The following SPAG16 variants were observed in gnomAD, a reference collection of about 807,000 sequenced individuals.
The protein encoded by SPAG16 is sperm-associated antigen 16 protein.
Under a neutral mutation model 80.4 loss-of-function variants are expected in SPAG16, and 86 were observed. The observed-to-expected ratio is 1.07, with a 90% confidence interval of 0.90 to 1.28. SPAG16 has a LOEUF of 1.28. Ranked by LOEUF, SPAG16 falls within the 50% of genes most tolerant of loss-of-function variation. The pLI is 0.00. For synonymous variants in SPAG16, 294 were observed against 265.9 expected (o/e 1.11, Z -1.03); for missense variants, 870 against 765.3 (o/e 1.14, Z -1.61).
chr2:214,047,839 A>G lies in SPAG16; in HGVS notation c.1527+33762A>G, dbSNP rs532771647. Among the ~76,000 whole-genome samples, 8 of 151,918 alleles carry G rather than the reference A, an allele frequency of 5.3e-5. No individual in the cohort carries two copies. The South Asian group carries it at 1.4e-3, about 28-fold the overall frequency. ...ATATATAAGGAGCTCAAACAACTCTATAAAAAATTCTAATACTCTGATTTA... is the reference window on the plus strand; with the variant it reads ...ATATATAAGGAGCTCAAACAACTCTGTAAAAAATTCTAATACTCTGATTTA... On this transcript the variant is annotated intron_variant, in intron 13 of 15. Coordinates refer to ENST00000331683, the MANE Select transcript of SPAG16 (RefSeq NM_024532.5).
In SPAG16 at chr2:213,766,566, C is replaced by T. The variant is rs78464779; in HGVS notation, c.1071-95919C>T. 7.0e-3 allele frequency among the ~76,000 whole-genome samples: 1,060 copies of T among 152,230 alleles called. 14 individuals are homozygous for T. The highest frequency in any genetic ancestry group is 0.025 in the African/African-American group (1,027 of 41,554). ...TAATCACTTACTGCTATGCTGTAAGCATGATTCAAACCAGAGAAATCTCTG... is the reference window on the plus strand; with the variant it reads ...TAATCACTTACTGCTATGCTGTAAGTATGATTCAAACCAGAGAAATCTCTG... On this transcript the variant is annotated intron_variant, in intron 10 of 15. Transcript: ENST00000331683.
chr2:213,506,704 C>A lies in SPAG16; in HGVS notation c.1070+16614C>A, dbSNP rs76179584. Among the ~76,000 whole-genome samples, 12 of 152,042 alleles carry A rather than the reference C, an allele frequency of 7.9e-5. 1 individual carries two copies. The South Asian group carries it at 2.1e-3, about 26-fold the overall frequency. On this transcript the variant is annotated intron_variant, in intron 10 of 15. Transcript: ENST00000331683. ...ATATAAATTGGGATGCCTTATGTTG[C>A]GAGTGACTGAAAATGCAACAAAATT... is the stretch of plus-strand genomic sequence containing the variant.
intron 13 of SPAG16, among the ~76,000 whole-genome samples, chr2:214,052,380 T>C (rs1196265997): frequency 6.6e-6 from 1 of 152,204 alleles, no homozygotes; most frequent in African/African-American, 2.4e-5. Flanking sequence ...TTCAACGTTT[T>C]CTGGTTTAAC....
At chr2:214,133,047 G>A (rs1309041802) in intron 14 of SPAG16, among the ~76,000 whole-genome samples, 4 of 151,352 alleles carry the variant, frequency 2.6e-5, no homozygotes, top group South Asian at 2.1e-4. Context: ...AACTGAGATC[G>A]TGCCACTGCA....
At chr2:213,761,484 A>G (rs1024780791) in intron 10 of SPAG16, among the ~76,000 whole-genome samples, 16 of 152,226 alleles carry the variant, frequency 1.1e-4, no homozygotes, top group Admixed American at 8.5e-4. Flanking sequence ...CTTTAAAAAG[A>G]TGAACAAAAT....
intron 10 of SPAG16, among the ~76,000 whole-genome samples, chr2:213,673,082 T>A (rs772994321): frequency 3.9e-4 from 60 of 152,112 alleles, no homozygotes; most frequent in Non-Finnish European, 7.5e-4. Context: ...TATTCAAAAA[T>A]TTTTAAATCT....
At chr2:213,762,361 ATATGT>A (rs1559447669) in intron 10 of SPAG16, among the ~76,000 whole-genome samples, 2 of 152,196 alleles carry the variant, frequency 1.3e-5, no homozygotes, top group East Asian at 1.9e-4. Context: ...CTGATAAATT[ATATGT>A]TATGTTCATT....
chr2:213,552,494 C>A (rs905716887), intron 10 of SPAG16, among the ~76,000 whole-genome samples: 2 of 152,156 alleles, frequency 1.3e-5, no homozygotes, highest in Non-Finnish European at 2.9e-5. Flanking sequence ...TATGATTCTT[C>A]ATTTTCTCAA....
chr2:214,149,373 G>A, intron 15 of SPAG16, 107 bp downstream of exon 15: 7 of 1,079,734 alleles, frequency 6.5e-6, no homozygotes, highest in Non-Finnish European at 8.6e-6. Context: ...GTAAATGTCT[G>A]TTCTTAATAT....
At chr2:214,126,610 G>T (rs373264399) in intron 14 of SPAG16, among the ~76,000 whole-genome samples, 3 of 151,698 alleles carry the variant, frequency 2.0e-5, no homozygotes, top group Admixed American at 1.3e-4. Flanking sequence ...TCCATTGCAG[G>T]TTATCCCAGC....
Position 213,304,886 on chromosome 2 carries a change from A to G in SPAG16, c.280-5173A>G, listed in dbSNP as rs564954802. 2.0e-5 allele frequency among the ~76,000 whole-genome samples: 3 copies of G among 151,896 alleles called. No homozygotes were observed. The South Asian group carries it at 6.2e-4, about 32-fold the overall frequency. Reference sequence around the variant, plus strand: ...TTGGTTCCATATAAATTGTAGGATTATTTTTTCTGTTTCTATGAAGAATGT... The same window carrying G: ...TTGGTTCCATATAAATTGTAGGATTGTTTTTTCTGTTTCTATGAAGAATGT... On this transcript the variant is annotated intron_variant, in intron 3 of 15. Coordinates refer to ENST00000331683, the MANE Select transcript of SPAG16 (RefSeq NM_024532.5).
chr2:214,297,101 C>A (rs1388689619), intron 15 of SPAG16, among the ~76,000 whole-genome samples: 2 of 152,176 alleles, frequency 1.3e-5, no homozygotes, highest in Non-Finnish European at 2.9e-5. Flanking sequence ...TACCCAGTCT[C>A]AGTTTTTCCT....
chr2:214,340,474 T>C (rs980623023), intron 15 of SPAG16, among the ~76,000 whole-genome samples: 4 of 152,226 alleles, frequency 2.6e-5, no homozygotes, highest in Non-Finnish European at 4.4e-5. Context: ...ATGTAGAATA[T>C]TGCAACATTC....
chr2:214,000,125 G>A (rs2046722855), intron 12 of SPAG16, among the ~76,000 whole-genome samples: 1 of 152,138 alleles, frequency 6.6e-6, no homozygotes, highest in Non-Finnish European at 1.5e-5. Context: ...GGAGGGGCCA[G>A]GGGTAGAATG....
intron 13 of SPAG16, among the ~76,000 whole-genome samples, chr2:214,043,540 C>T (rs77703296): frequency 0.012 from 1,819 of 151,928 alleles, 16 homozygotes; most frequent in Non-Finnish European, 0.02. Context: ...TTTCTAAAAC[C>T]GTGGGTATTA....
intron 9 of SPAG16, among the ~76,000 whole-genome samples, chr2:213,476,485 C>A (rs2073397519): frequency 6.6e-6 from 1 of 152,218 alleles, no homozygotes; most frequent in Non-Finnish European, 1.5e-5. Flanking sequence ...ATCTTATAGA[C>A]CAGCAGCTGC....
chr2:213,954,846 T>C (rs1315636273), intron 12 of SPAG16, among the ~76,000 whole-genome samples: 1 of 152,212 alleles, frequency 6.6e-6, no homozygotes, highest in African/African-American at 2.4e-5. Context: ...ATTATGATTA[T>C]TATAGCTGTC....
chr2:214,090,154 T>C (rs1223275651), intron 13 of SPAG16, among the ~76,000 whole-genome samples: 1 of 151,628 alleles, frequency 6.6e-6, no homozygotes, highest in Non-Finnish European at 1.5e-5. Context: ...TATGGAGATA[T>C]GAAGTGTGAT....
chr2:214,302,013 G>C (rs1377683114), intron 15 of SPAG16, among the ~76,000 whole-genome samples: 1 of 151,496 alleles, frequency 6.6e-6, no homozygotes, highest in Non-Finnish European at 1.5e-5. Flanking sequence ...TTTTATTTCT[G>C]CCTCAATTTT....
Sources: allele counts gnomAD v4.1 joint callset (sites outside exome capture counted in the v4.1 genomes callset), GRCh38; gene constraint gnomAD v4.1.1; transcripts MANE v1.5; gene names NCBI Gene and HGNC (gene_info 2026-07-23, HGNC 2026-07-21).